Variants in KDM2A observed in about 807,000 individuals in gnomAD.
KDM2A encodes lysine demethylase 2A.
KDM2A carries 3 observed loss-of-function variants against 137.3 expected under a neutral mutation model. The observed-to-expected ratio is 0.02, with a 90% CI of 0.01 to 0.06. The LOEUF is 0.06. KDM2A is among the 10% of genes least tolerant of loss of function. KDM2A has a pLI of 1.00. For missense variants in KDM2A, 738 were observed against 1,510.6 expected (o/e 0.49, Z 8.48); for synonymous variants, 512 against 541.5 (o/e 0.95, Z 0.76).
chr11:67,214,768 G>A (rs1023722972), intron 6 of KDM2A, among the ~76,000 whole-genome samples: 12 of 152,172 alleles, frequency 7.9e-5, no homozygotes, highest in African/African-American at 2.4e-4. Context: ...CACTGTGCCT[G>A]GTCTATCTTA....
chr11:67,232,728 G>T (rs1044657657), intron 12 of KDM2A, among the ~76,000 whole-genome samples: 2 of 147,256 alleles, frequency 1.4e-5, no homozygotes, highest in African/African-American at 2.5e-5. Flanking sequence ...ATTTATTTGA[G>T]ACGGAGTCTC....
At chr11:67,122,588 G>T (rs969914378) in intron 2 of KDM2A, among the ~76,000 whole-genome samples, 1 of 152,036 alleles carries the variant, frequency 6.6e-6, no homozygotes, top group Non-Finnish European at 1.5e-5. Context: ...CTCCCAAAGT[G>T]CTGGGATTAC....
At chr11:67,131,154 A>C (rs910240221) in intron 2 of KDM2A, among the ~76,000 whole-genome samples, 1 of 151,846 alleles carries the variant, frequency 6.6e-6, no homozygotes, top group African/African-American at 2.4e-5. Flanking sequence ...ACGAAACCCC[A>C]TCTCTACTAA....
Position 67,254,047 on chromosome 11 carries a change from C to A in KDM2A, c.3092-156C>A, listed in dbSNP as rs9630209. Among the ~76,000 whole-genome samples, 18,043 of 152,222 alleles carry A rather than the reference C, an allele frequency of 0.12. 3,077 individuals are homozygous for A. Among genetic ancestry groups the A allele is most frequent in the African/African-American group, 0.38 (15,614 of 41,494 alleles). ...CTGGTTTCCTAGAAACTGCCTACAC[C>A]CAGTGCTCACACCCTGAAGGCATGG... On this transcript the variant is annotated intron_variant, in intron 19 of 20. Coordinates refer to ENST00000529006, the MANE Select transcript of KDM2A (RefSeq NM_012308.3). The surrounding 1 kb of genome is among the most constrained non-coding windows in gnomAD (Gnocchi z 4.7).
chr11:67,201,882 G>A (rs1370376086), intron 5 of KDM2A, among the ~76,000 whole-genome samples: 1 of 150,724 alleles, frequency 6.6e-6, no homozygotes, highest in East Asian at 1.9e-4. Context: ...TTGAGCCCAG[G>A]AATTCGAGGT....
At chr11:67,154,697 C>T (rs1359058188) in intron 2 of KDM2A, among the ~76,000 whole-genome samples, 1 of 152,076 alleles carries the variant, frequency 6.6e-6, no homozygotes, top group Non-Finnish European at 1.5e-5. Context: ...CCTTGGCCTC[C>T]CAAAGTGTTG....
intron 2 of KDM2A, among the ~76,000 whole-genome samples, chr11:67,122,013 T>C (rs1855608253): frequency 1.3e-5 from 2 of 152,236 alleles, no homozygotes; most frequent in Admixed American, 6.5e-5. Flanking sequence ...AAGCCATGCT[T>C]TCCTCGTAAG....
intron 2 of KDM2A, among the ~76,000 whole-genome samples, chr11:67,130,374 A>G (rs1855826156): frequency 1.3e-5 from 2 of 151,468 alleles, no homozygotes; most frequent in African/African-American, 4.9e-5. Flanking sequence ...CAAACTCCTC[A>G]CCTCCAGTGA....
At chr11:67,247,739 A>C (rs1859293655) in intron 15 of KDM2A, among the ~76,000 whole-genome samples, 1 of 152,180 alleles carries the variant, frequency 6.6e-6, no homozygotes, top group Non-Finnish European at 1.5e-5. Context: ...TTACAATCTT[A>C]AAAGTTTGTT....
chr11:67,247,069 ATATTTTTTTTTTTTTTTTTT>A (rs1301848171), intron 15 of KDM2A, among the ~76,000 whole-genome samples: 6 of 21,074 alleles, frequency 2.8e-4, no homozygotes, highest in Non-Finnish European at 4.6e-4. Flanking sequence ...ATATATATAT[ATATTTTTTTTTTTTTTTTTT>A]TTTTTTTTTT....
intron 19 of KDM2A, among the ~76,000 whole-genome samples, 169 bp downstream of exon 19, chr11:67,253,780 A>G (rs1859514454): frequency 6.6e-6 from 1 of 152,260 alleles, no homozygotes; most frequent in Admixed American, 6.5e-5. Flanking sequence ...GGTAACTATA[A>G]GCAGATAACT....
chr11:67,170,466 G>A (rs1302159644), intron 2 of KDM2A, among the ~76,000 whole-genome samples: 1 of 135,766 alleles, frequency 7.4e-6, no homozygotes, highest in Non-Finnish European at 1.5e-5. Context: ...AGGCTGGAGT[G>A]CAGTGGCGCG....
At chr11:67,136,786 A>G (rs906627343) in intron 2 of KDM2A, among the ~76,000 whole-genome samples, 3 of 152,218 alleles carry the variant, frequency 2.0e-5, no homozygotes, top group Admixed American at 6.6e-5. Context: ...AACCATGTTC[A>G]GATACCATGT....
intron 2 of KDM2A, among the ~76,000 whole-genome samples, chr11:67,125,024 A>AT (rs1173420605): frequency 7.3e-5 from 11 of 149,824 alleles, no homozygotes; most frequent in Non-Finnish European, 1.3e-4. Flanking sequence ...CACCCGGCTA[A>AT]TTTTTTTTTG....
intron 11 of KDM2A, among the ~76,000 whole-genome samples, chr11:67,231,359 T>G (rs1197641638): frequency 6.6e-6 from 1 of 152,170 alleles, no homozygotes; most frequent in Non-Finnish European, 1.5e-5. Flanking sequence ...ATTACCTAGG[T>G]GTCCTCCTAG....
rs1478353108 is a variant in KDM2A at position 67,242,998 on chromosome 11, C to G, written c.1480-11C>G. 2 of 1,612,358 alleles carry G rather than the reference C, an allele frequency of 1.2e-6. No individual in the cohort carries two copies. The highest frequency in any genetic ancestry group is 3.3e-5 in the Admixed American group (2 of 59,990). ...GCCCTGATTTTTCCTTCTTTTCCCT[C>G]CTACCCTTAGATTTTGCTGGAGGAG... On this transcript the variant is annotated splice_polypyrimidine_tract_variant and intron_variant, in intron 12 of 20. Transcript: ENST00000529006.
chr11:67,242,598 G>A (rs892147262), intron 12 of KDM2A, among the ~76,000 whole-genome samples: 4 of 152,218 alleles, frequency 2.6e-5, no homozygotes, highest in African/African-American at 9.7e-5. Flanking sequence ...GTTTCAGTGT[G>A]TTAGTATAAT....
At chr11:67,188,477 G>T (rs1391861685) in intron 5 of KDM2A, among the ~76,000 whole-genome samples, 1 of 142,670 alleles carries the variant, frequency 7.0e-6, no homozygotes, top group Non-Finnish European at 1.5e-5. Flanking sequence ...GCAAGACTCT[G>T]TCTCAAAAAA....
rs531181093 is a variant in KDM2A at position 67,202,913 on chromosome 11, A to G, written c.308-4597A>G. 4.0e-5 allele frequency among the ~76,000 whole-genome samples: 6 copies of G among 151,684 alleles called. No homozygotes were observed. In the South Asian group the frequency reaches 6.3e-4, roughly 16 times the overall value. On this transcript the variant is annotated intron_variant, in intron 5 of 20. Transcript: ENST00000529006. ...CGGAGGCTAAGGTGGAAGGATTACC[A>G]GAGTCCAGGAGTTTGTGGCTGTGGT...
Sources: gnomAD v4.1 joint callset for allele counts (sites outside exome capture counted in the v4.1 genomes callset) on GRCh38, gnomAD v4.1.1 for gene constraint, Gnocchi (gnomAD v3.1) non-coding constraint, MANE v1.5 for transcripts, NCBI Gene and HGNC (gene_info 2026-07-23, HGNC 2026-07-21) for gene names.